DLC1: variants seen among roughly 807,000 people sequenced by gnomAD.
DLC1 encodes DLC1 Rho GTPase activating protein, also known as rho GTPase-activating protein 7.
A neutral mutation model predicts 140.3 loss-of-function variants in DLC1; 54 were observed. The observed-to-expected ratio is 0.38, with a 90% CI of 0.31 to 0.48. The LOEUF (loss-of-function observed/expected upper bound fraction) is 0.48. Ranked by LOEUF, DLC1 falls within the 20% of genes least tolerant of loss-of-function variation. The probability of loss-of-function intolerance (pLI) is 0.96; values close to 1 mark genes in which losing one functional copy is unlikely to be tolerated. For missense variants in DLC1, 2,536 were observed against 1,907.0 expected (o/e 1.33, Z -6.14); for synonymous variants, 986 against 728.1 (o/e 1.35, Z -5.70).
chr8:13,448,519 C>T (rs771399598), intron 2 of DLC1, among the ~76,000 whole-genome samples: 2 of 152,000 alleles, frequency 1.3e-5, no homozygotes, highest in Non-Finnish European at 2.9e-5. Flanking sequence ...TGCGCCACCA[C>T]ACCCGGCTAA....
chr8:13,298,077 T>C (rs928805154), intron 5 of DLC1, among the ~76,000 whole-genome samples: 1 of 152,244 alleles, frequency 6.6e-6, no homozygotes, highest in African/African-American at 2.4e-5. Flanking sequence ...TTCTGTCTTA[T>C]GACCACAACA....
rs763374260 is a variant in DLC1, at chr8:13,085,916, T to G, written c.4482A>C (p.Glu1494Asp). The G allele has an allele frequency of 1.6e-5, 26 of 1,614,156 alleles. No individual in the cohort carries two copies. The highest frequency in any genetic ancestry group is 2.0e-5 in the Non-Finnish European group (24 of 1,180,026). The stretch of plus-strand genomic sequence containing the variant: ...AATGTCCAAAAGATTTTGTGTACCA[T>G]TCTGGCATGTGGCCCCTATCAGAGA... ...CRVDLRGHMP[E>D]WYTKSFGHLC... The change falls in exon 18 of 18, where the codon GAA (glutamate) becomes GAC (aspartate). Residue 1494 changes from glutamate to aspartate, a missense_variant. Coordinates refer to ENST00000276297, the MANE Select transcript of DLC1 (RefSeq NM_182643.3).
intron 1 of DLC1, among the ~76,000 whole-genome samples, chr8:13,524,901 A>G (rs750245838): frequency 6.6e-6 from 1 of 152,198 alleles, no homozygotes; most frequent in Non-Finnish European, 1.5e-5. Flanking sequence ...TGACAAATTC[A>G]TATGCCTGTG....
At chr8:13,252,144 C>A (rs145671379) in intron 5 of DLC1, among the ~76,000 whole-genome samples, 1 of 152,082 alleles carries the variant, frequency 6.6e-6, no homozygotes, top group Non-Finnish European at 1.5e-5. Flanking sequence ...TCCTAAGTAA[C>A]ATTTTGATTA....
At chr8:13,395,138 T>TTTTTTC (rs1836976276) in intron 3 of DLC1, among the ~76,000 whole-genome samples, 1 of 131,330 alleles carries the variant, frequency 7.6e-6, no homozygotes, top group Non-Finnish European at 1.6e-5. Context: ...TTTTTTTTTT[T>TTTTTTC]GGAATGGAGT....
chr8:13,176,629 G>A (rs562768586), intron 5 of DLC1, among the ~76,000 whole-genome samples: 10 of 152,218 alleles, frequency 6.6e-5, no homozygotes, highest in East Asian at 5.8e-4. Context: ...AAAGGTAGTC[G>A]TGGTAGGTAG....
intron 4 of DLC1, among the ~76,000 whole-genome samples, chr8:13,376,272 C>G (rs1835980942): frequency 6.6e-6 from 1 of 152,256 alleles, no homozygotes; most frequent in South Asian, 2.1e-4. Context: ...TACTTGCTTT[C>G]TTTGAATAAT....
chr8:13,549,620 A>G (rs1320812716), intron 1 of DLC1, among the ~76,000 whole-genome samples: 3 of 152,280 alleles, frequency 2.0e-5, no homozygotes, highest in South Asian at 2.1e-4. Context: ...GAGGAATTAA[A>G]TTTTTAAACC....
chr8:13,456,392 T>C (rs2117002529), intron 2 of DLC1, among the ~76,000 whole-genome samples: 1 of 152,318 alleles, frequency 6.6e-6, no homozygotes, highest in Non-Finnish European at 1.5e-5. Flanking sequence ...GTGCTACATT[T>C]CTTTCTTGTG....
intron 4 of DLC1, among the ~76,000 whole-genome samples, chr8:13,364,206 G>T (rs1164547983): frequency 6.6e-6 from 1 of 152,044 alleles, no homozygotes; most frequent in African/African-American, 2.4e-5. Context: ...TAGAATGTCA[G>T]CCCATCACCT....
chr8:13,385,215 G>T (rs1836463572), intron 4 of DLC1, among the ~76,000 whole-genome samples: 1 of 152,044 alleles, frequency 6.6e-6, no homozygotes, highest in Non-Finnish European at 1.5e-5. Context: ...AATTACTACA[G>T]TCCTGATACA....
At chr8:13,603,615 A>T (rs907579613) in intron 1 of DLC1, among the ~76,000 whole-genome samples, 2 of 152,096 alleles carry the variant, frequency 1.3e-5, no homozygotes. Context: ...CATAGTGGCA[A>T]TTTAAATCTC....
At chr8:13,114,401 G>A (rs1270998986) in intron 6 of DLC1, among the ~76,000 whole-genome samples, 2 of 152,152 alleles carry the variant, frequency 1.3e-5, no homozygotes, top group African/African-American at 4.8e-5. Context: ...TATTTATCTT[G>A]ACATGCAGGG....
chr8:13,552,628 T>G (rs1585267273), intron 1 of DLC1, among the ~76,000 whole-genome samples: 1 of 151,664 alleles, frequency 6.6e-6, no homozygotes, highest in East Asian at 1.9e-4. Flanking sequence ...ACTAGAAATG[T>G]GTTCATAGAG....
At chr8:13,194,774 G>T (rs1826954491) in intron 5 of DLC1, among the ~76,000 whole-genome samples, 1 of 152,346 alleles carries the variant, frequency 6.6e-6, no homozygotes, top group South Asian at 2.1e-4. Context: ...TTGGGAGGCT[G>T]AGGTGGGAGG....
intron 4 of DLC1, chr8:13,340,711 T>C (rs1379464622): frequency 6.6e-6 from 1 of 152,254 alleles, no homozygotes; most frequent in Non-Finnish European, 1.5e-5. Flanking sequence ...GTTTTATTGT[T>C]GTTATAAACT....
chr8:13,180,977 C>CT (rs59506478), intron 5 of DLC1, among the ~76,000 whole-genome samples: 16 of 150,870 alleles, frequency 1.1e-4, no homozygotes, highest in East Asian at 7.8e-4. Context: ...TATAATGTTC[C>CT]TTTTTTTTTC....
At chr8:13,317,702 A>G (rs1365800544) in intron 4 of DLC1, among the ~76,000 whole-genome samples, 1 of 152,026 alleles carries the variant, frequency 6.6e-6, no homozygotes, top group Non-Finnish European at 1.5e-5. Context: ...AAACAGGGAG[A>G]AAGTATAGAA....
At chr8:13,432,149 A>AC in intron 2 of DLC1, among the ~76,000 whole-genome samples, 1 of 152,328 alleles carries the variant, frequency 6.6e-6, no homozygotes, top group East Asian at 1.9e-4. Context: ...CAACATCCTC[A>AC]CCAAAATATA....
Sources: allele counts gnomAD v4.1 joint callset (sites outside exome capture counted in the v4.1 genomes callset), GRCh38; gene constraint gnomAD v4.1.1; transcripts MANE v1.5; gene names NCBI Gene and HGNC (gene_info 2026-07-23, HGNC 2026-07-21).